Variants in PCDHA4 observed in about 807,000 individuals in gnomAD.
The protein encoded by PCDHA4 is protocadherin alpha-4.
A neutral mutation model predicts 61.4 loss-of-function variants in PCDHA4; 49 were observed. The ratio of observed to expected loss-of-function variants is 0.80; its 90% CI spans 0.63 to 1.01. PCDHA4 has a LOEUF of 1.01. PCDHA4 is among the 50% of genes least tolerant of loss of function. The pLI is 0.00. For missense variants in PCDHA4, 1,254 were observed against 1,235.8 expected (o/e 1.01, Z -0.22); for synonymous variants, 590 against 550.3 (o/e 1.07, Z -1.01).
chr5:140,828,251 C>T (rs1278959274), intron 1 of PCDHA4: 6 of 1,614,002 alleles, frequency 3.7e-6, no homozygotes, highest in Non-Finnish European at 5.1e-6. Context: ...GGACCTGGGG[C>T]TGGAGCTGGC....
At chr5:140,888,503 T>C (rs1582952197) in intron 1 of PCDHA4, among the ~76,000 whole-genome samples, 1 of 152,132 alleles carries the variant, frequency 6.6e-6, no homozygotes, top group East Asian at 1.9e-4. Context: ...CTTTAAAGAG[T>C]CTTGGACTTA....
intron 1 of PCDHA4, chr5:140,843,679 C>A (rs2150364894): frequency 1.3e-6 from 2 of 1,589,886 alleles, no homozygotes; most frequent in African/African-American, 1.3e-5. Context: ...TTGATGTAGG[C>A]GAAGAGCAAG....
intron 1 of PCDHA4, among the ~76,000 whole-genome samples, chr5:140,909,316 G>C (rs2074435468): frequency 6.6e-6 from 1 of 152,198 alleles, no homozygotes; most frequent in Non-Finnish European, 1.5e-5. Flanking sequence ...AAAGGCATTT[G>C]CCAAATCAAT....
At position 140,842,903 on chromosome 5, in the gene PCDHA4, C is replaced by G. The variant is rs2150347593; in HGVS notation, c.2385+33331C>G. The G allele has an allele frequency of 1.9e-5, 31 of 1,594,262 alleles. 5 individuals carry two copies. Among genetic ancestry groups the G allele is most frequent in the African/African-American group, 2.7e-5 (2 of 74,310 alleles). ...GCTGCAGCCGCTGGACCACGAGGAG[C>G]TAGAGCTGCTGCAGTTCCAGGTGAG... On this transcript the variant is annotated intron_variant, in intron 1 of 3. Coordinates refer to ENST00000530339, the MANE Select transcript of PCDHA4 (RefSeq NM_018907.4).
At chr5:140,849,237 A>G (rs1450217299) in intron 1 of PCDHA4, 1 of 1,052,122 alleles carries the variant, frequency 9.5e-7, no homozygotes, top group Non-Finnish European at 1.3e-6. Flanking sequence ...AACCCTGTAT[A>G]CGGTGAAATT....
chr5:140,937,790 T>G (rs2091754196), intron 1 of PCDHA4, among the ~76,000 whole-genome samples: 1 of 151,512 alleles, frequency 6.6e-6, no homozygotes, highest in Non-Finnish European at 1.5e-5. Flanking sequence ...CGGGCGTATG[T>G]AGTCCCAGCT....
At chr5:140,821,867 A>G (rs2150111364) in intron 1 of PCDHA4, 51 of 1,614,024 alleles carry the variant, frequency 3.2e-5, no homozygotes, top group Non-Finnish European at 4.2e-5. Context: ...GGCCAGCTCC[A>G]CTACTCGATC....
chr5:140,807,965 T>C lies in PCDHA4; in HGVS notation c.778T>C (p.Leu260=), dbSNP rs1764072743. ...ACTAGAAAATGTTCCTAATGGAACATTGGTAATTAAACTTAACGCCTCAGA... is the reference window on the plus strand; with the variant it reads ...ACTAGAAAATGTTCCTAATGGAACACTGGTAATTAAACTTAACGCCTCAGA... ...RLLENVPNGT[L]VIKLNASDLD... is the part of the protein sequence containing the mutation. Residue 260 remains leucine (L), a synonymous_variant, in exon 1 of 4, where the codon TTG becomes CTG. Coordinates refer to ENST00000530339, the MANE Select transcript of PCDHA4 (RefSeq NM_018907.4). 2.5e-6 allele frequency: 4 copies of C among 1,613,838 alleles called. No homozygotes were observed. The highest frequency in any genetic ancestry group is 3.4e-6 in the Non-Finnish European group (4 of 1,179,842).
chr5:140,941,201 TC>T (rs1462646812), intron 1 of PCDHA4, among the ~76,000 whole-genome samples: 2 of 103,500 alleles, frequency 1.9e-5, no homozygotes, highest in African/African-American at 7.9e-5. Context: ...TTTTCTTTCT[TC>T]CTTTCTTTCT....
chr5:140,984,168 A>C (rs1181991691), intron 3 of PCDHA4, among the ~76,000 whole-genome samples: 1 of 152,204 alleles, frequency 6.6e-6, no homozygotes, highest in Non-Finnish European at 1.5e-5. Context: ...TTCCCAAAGA[A>C]GCCACGTGAA....
At position 140,880,491 on chromosome 5, in the gene PCDHA4, A is replaced by G. The variant is rs570569134; in HGVS notation, c.2385+70919A>G. Among the ~76,000 whole-genome samples, 6 of 152,342 alleles carry G rather than the reference A, an allele frequency of 3.9e-5. No individual in the cohort carries two copies. In the South Asian group the frequency reaches 1.2e-3, roughly 32 times the overall value. On this transcript the variant is annotated intron_variant, in intron 1 of 3. Transcript: ENST00000530339. Reference sequence around the variant, plus strand: ...AGGAAAAATGACACAAGAAGAGAGCAATTGAATTTCTGTTTGGTCACATCT... The same window carrying G: ...AGGAAAAATGACACAAGAAGAGAGCGATTGAATTTCTGTTTGGTCACATCT...
chr5:141,001,946 G>A (rs1554258360), intron 3 of PCDHA4, among the ~76,000 whole-genome samples: 4 of 147,266 alleles, frequency 2.7e-5, no homozygotes, highest in African/African-American at 1.1e-4. Flanking sequence ...CGGAAATAAG[G>A]AGGAGGGAGA....
chr5:141,007,779 C>T (rs1378096050), intron 3 of PCDHA4, among the ~76,000 whole-genome samples: 4 of 152,184 alleles, frequency 2.6e-5, no homozygotes, highest in African/African-American at 9.7e-5. Context: ...AATGGTACTG[C>T]TTTACAAATT....
chr5:140,911,036 G>A (rs2075296113), intron 1 of PCDHA4, among the ~76,000 whole-genome samples: 1 of 152,104 alleles, frequency 6.6e-6, no homozygotes, highest in African/African-American at 2.4e-5. Flanking sequence ...AGGTCTAGAA[G>A]CAAACAGGGG....
chr5:140,858,255 C>A, intron 1 of PCDHA4: 1 of 1,596,962 alleles, frequency 6.3e-7, no homozygotes, highest in Non-Finnish European at 8.6e-7. Context: ...GTGAAGCCCA[C>A]GCTGGTGTGC....
rs2150126573 is a variant in PCDHA4 at position 140,823,520 on chromosome 5, G to A, written c.2385+13948G>A. 10 of 1,613,572 alleles carry A rather than the reference G, an allele frequency of 6.2e-6. No homozygotes were observed. The East Asian group carries it at 2.2e-4, about 36-fold the overall frequency. On this transcript the variant is annotated intron_variant, in intron 1 of 3. Coordinates refer to ENST00000530339, the MANE Select transcript of PCDHA4 (RefSeq NM_018907.4). Reference sequence around the variant, plus strand: ...GGCGCAGTGAGCGAGCTGGTGCCGAGGTCAGTGGGTGCGGGCCACGTGGTG... The same window carrying A: ...GGCGCAGTGAGCGAGCTGGTGCCGAAGTCAGTGGGTGCGGGCCACGTGGTG...
At chr5:140,888,286 C>A (rs1277980750) in intron 1 of PCDHA4, among the ~76,000 whole-genome samples, 7 of 152,080 alleles carry the variant, frequency 4.6e-5, no homozygotes, top group African/African-American at 1.7e-4. Context: ...TCCCCTCTAC[C>A]CCCTACCCAG....
chr5:140,828,207 C>T (rs1769609355), intron 1 of PCDHA4: 4 of 1,614,008 alleles, frequency 2.5e-6, no homozygotes, highest in Non-Finnish European at 3.4e-6. Context: ...CCCGAGGAGG[C>T]CAAACACGGC....
intron 3 of PCDHA4, among the ~76,000 whole-genome samples, chr5:140,997,836 A>G (rs1335199291): frequency 3.3e-5 from 5 of 152,222 alleles, no homozygotes; most frequent in South Asian, 4.1e-4. Flanking sequence ...AAACAATACA[A>G]TATACATTCT....
Sources: gnomAD v4.1 joint callset for allele counts (sites outside exome capture counted in the v4.1 genomes callset) on GRCh38, gnomAD v4.1.1 for gene constraint, MANE v1.5 for transcripts, NCBI Gene and HGNC (gene_info 2026-07-23, HGNC 2026-07-21) for gene names.